SAMHD1: variants seen among roughly 807,000 people sequenced by gnomAD.
SAMHD1 encodes the protein deoxynucleoside triphosphate triphosphohydrolase SAMHD1.
Under a neutral mutation model 79.6 loss-of-function variants are expected in SAMHD1, and 54 were observed. The observed-to-expected ratio is 0.68, with a 90% confidence interval of 0.55 to 0.85. The LOEUF is 0.85. Ranked by LOEUF, SAMHD1 falls within the 40% of genes least tolerant of loss-of-function variation. SAMHD1 has a pLI of 0.00. For synonymous variants in SAMHD1, 260 were observed against 264.1 expected (o/e 0.98, Z 0.15); for missense variants, 663 against 782.7 (o/e 0.85, Z 1.82).
chr20:36,903,894 A>G (rs1287825672), intron 13 of SAMHD1: 4 of 334,694 alleles, frequency 1.2e-5, no homozygotes, highest in African/African-American at 6.4e-5. Context: ...AATAAAAAAA[A>G]TTAAAATGTA....
downstream of SAMHD1, chr20:36,889,909 A>ATGTGTGTGTG (rs145364344): frequency 3.3e-5 from 5 of 150,366 alleles, no homozygotes; most frequent in African/African-American, 4.9e-5. Context: ...TGTTCCATGA[A>ATGTGTGTGTG]TGTGTGTGTG....
At chr20:36,940,701 T>TAA (rs897249101) in intron 3 of SAMHD1, 15 of 296,460 alleles carry the variant, frequency 5.1e-5, no homozygotes, top group East Asian at 8.7e-5. Context: ...CACATTTCAT[T>TAA]AAAAAAAAAA....
chr20:36,944,077 CAAAA>C (rs542947370), intron 2 of SAMHD1, among the ~76,000 whole-genome samples: 22,953 of 89,756 alleles, frequency 0.26, 2,348 homozygotes, highest in African/African-American at 0.37. Flanking sequence ...GACTCCATCT[CAAAA>C]AAAAAAAAAA....
At chr20:36,900,654 C>T (rs1323040399) in intron 13 of SAMHD1, among the ~76,000 whole-genome samples, 3 of 151,618 alleles carry the variant, frequency 2.0e-5, no homozygotes, top group Non-Finnish European at 4.4e-5. Context: ...GCAACCTCTG[C>T]CTCCTGGGTT....
intron 13 of SAMHD1, among the ~76,000 whole-genome samples, chr20:36,902,787 G>A (rs1166944196): frequency 2.6e-5 from 4 of 152,022 alleles, no homozygotes; most frequent in South Asian, 4.1e-4. Flanking sequence ...GCCCAGGCTG[G>A]AATGCAGTGG....
chr20:36,919,655 A>C (rs1314507962), intron 6 of SAMHD1, 136 bp from the exon 7 acceptor site: 2 of 800,148 alleles, frequency 2.5e-6, no homozygotes, highest in Non-Finnish European at 4.0e-6. Flanking sequence ...TTCTAACCAC[A>C]ATCTTAGGAA....
chr20:36,890,402 C>CTTTCTTTCTTTCTTTCTTTCTT lies in SAMHD1; in HGVS notation c.*2529_*2530insAAGAAAGAAAGAAAGAAAGAAA, dbSNP rs1990038099. 6.7e-6 allele frequency: 1 copy of CTTTCTTTCTTTCTTTCTTTCTT among 148,490 alleles called. No individual in the cohort carries two copies. The allele number at this position is 148,490 out of a possible 1,614,324, so 9.2% of individuals were successfully genotyped here. ...ATAGCAAAGATATTTCTTTCTCTTT[C>CTTTCTTTCTTTCTTTCTTTCTT]TTTCTTTCTTTCTTTCTTTTCTTTC... On this transcript the variant is annotated 3_prime_UTR_variant, in exon 16 of 16. Coordinates refer to ENST00000646673, the MANE Select transcript of SAMHD1 (RefSeq NM_015474.4).
At position 36,951,661 on chromosome 20, in the gene SAMHD1, G is replaced by T. The variant is rs560505736; in HGVS notation, c.-18C>A. 43 of 1,612,364 alleles carry T rather than the reference G, an allele frequency of 2.7e-5. No individual in the cohort carries two copies. Among genetic ancestry groups the T allele is most frequent in the Middle Eastern group, 3.8e-4 (2 of 5,290 alleles). ...CGCTGCATGGCTACACCTGGCGTCC[G>T]GCACAGCAGTCAAGAACCTCGGCGC... On this transcript the variant is annotated 5_prime_UTR_variant, in exon 1 of 16. Transcript: ENST00000646673.
chr20:36,949,808 A>G (rs2063721399), intron 1 of SAMHD1, among the ~76,000 whole-genome samples: 1 of 149,882 alleles, frequency 6.7e-6, no homozygotes, highest in South Asian at 2.1e-4. Flanking sequence ...GTCTTCTTTT[A>G]TATGATAAAG....
At chr20:36,936,597 C>T (rs377159823) in intron 3 of SAMHD1, among the ~76,000 whole-genome samples, 9 of 152,152 alleles carry the variant, frequency 5.9e-5, no homozygotes, top group Admixed American at 1.3e-4. Flanking sequence ...TGAGCCACCG[C>T]GCCTGGCTAA....
chr20:36,912,687 C>T, intron 9 of SAMHD1, 135 bp from the exon 10 acceptor site: 1 of 626,884 alleles, frequency 1.6e-6, no homozygotes, highest in Non-Finnish European at 2.9e-6. Context: ...TTCATTAACA[C>T]CTTTGACCCC....
At chr20:36,936,356 C>G (rs2063603573) in intron 3 of SAMHD1, among the ~76,000 whole-genome samples, 1 of 152,116 alleles carries the variant, frequency 6.6e-6, no homozygotes, top group Admixed American at 6.6e-5. Flanking sequence ...TCTCACCAGG[C>G]TGCAGTGCGT....
At chr20:36,930,730 A>G (rs1192189744) in intron 5 of SAMHD1, 30 bp downstream of exon 5, 8 of 1,452,596 alleles carry the variant, frequency 5.5e-6, no homozygotes, top group African/African-American at 1.4e-5. Context: ...ATGATTTTAC[A>G]TAACAACTTT....
chr20:36,897,832 G>A lies in SAMHD1; in HGVS notation c.1736C>T (p.Thr579Ile), dbSNP rs778094031. ...TAACAGGCCACCTACCTGCGGCTTG[G>A]TGAAATTTCTGTCTGCACACCACTG... ...FVQWCADRNFTKPQDGDVIAP... is the reference protein window; with the variant it reads ...FVQWCADRNFIKPQDGDVIAP... Residue 579 changes from threonine to isoleucine, a missense_variant, in exon 15 of 16, where the codon ACC (threonine) becomes ATC (isoleucine). By Grantham distance (89) the Thr-to-Ile change is moderately conservative. Transcript: ENST00000646673. The A allele has an allele frequency of 4.3e-6, 7 of 1,614,042 alleles. No individual in the cohort carries two copies. The highest frequency in any genetic ancestry group is 8.5e-7 in the Non-Finnish European group (1 of 1,180,040).
chr20:36,940,808 G>T, intron 3 of SAMHD1: 1 of 569,182 alleles, frequency 1.8e-6, no homozygotes, highest in Non-Finnish European at 3.1e-6. Context: ...TTGACAAGTT[G>T]GGTAGTGGTC....
intron 13 of SAMHD1, among the ~76,000 whole-genome samples, chr20:36,901,671 G>C (rs564030875): frequency 2.6e-5 from 4 of 151,918 alleles, no homozygotes; most frequent in Non-Finnish European, 4.4e-5. Flanking sequence ...AGGAGTTTGA[G>C]GTTATAATGA....
chr20:36,916,086 G>A (rs1329366583), intron 9 of SAMHD1, among the ~76,000 whole-genome samples: 2 of 148,288 alleles, frequency 1.3e-5, no homozygotes, highest in Non-Finnish European at 3.0e-5. Context: ...GCGTGAACCC[G>A]GGAGGCGGAG....
Position 36,935,083 on chromosome 20 carries a change from C to T in SAMHD1, c.455G>A (p.Gly152Asp). ...QRLRYIKQLG[G>D]GYYVFPGASH... The stretch of plus-strand genomic sequence containing the variant: ...AGCTCCTGGAAAAACATAGTAACCA[C>T]CTCCCAGCTGTTTGATGTATCGAAG... Residue 152 changes from glycine (G) to aspartate (D), a missense_variant, in exon 4 of 16, where the codon GGT becomes GAT. Transcript: ENST00000646673. 1 of 1,614,090 alleles carries T rather than the reference C, an allele frequency of 6.2e-7. No individual in the cohort carries two copies. Among genetic ancestry groups the T allele is most frequent in the Non-Finnish European group, 8.5e-7 (1 of 1,179,996 alleles).
At chr20:36,940,996 T>C (rs201202806) in intron 3 of SAMHD1, 43 bp downstream of exon 3, 460 of 1,407,892 alleles carry the variant, frequency 3.3e-4, no homozygotes, top group Non-Finnish European at 4.4e-4. Flanking sequence ...TTGAGTTATA[T>C]CACTTTATAT....
Sources: allele counts gnomAD v4.1 joint callset (sites outside exome capture counted in the v4.1 genomes callset), GRCh38; gene constraint gnomAD v4.1.1; transcripts MANE v1.5; gene names NCBI Gene and HGNC (gene_info 2026-07-23, HGNC 2026-07-21).